Variants in PHACTR4 observed in about 807,000 individuals in gnomAD.
PHACTR4 encodes the protein phosphatase and actin regulator 4.
Under a neutral mutation model 72.7 loss-of-function variants are expected in PHACTR4, and 51 were observed. That is an observed-to-expected ratio of 0.70 (90% CI 0.56 to 0.89). The LOEUF (loss-of-function observed/expected upper bound fraction) is 0.89. Among genes scored for constraint, PHACTR4 ranks in the 40% least tolerant of loss-of-function variants. The pLI is 0.00. For missense variants in PHACTR4, 731 were observed against 861.8 expected, an observed-to-expected ratio of 0.85 and a Z score of 1.90; for synonymous variants, 255 against 302.5, an observed-to-expected ratio of 0.84 and a Z score of 1.63.
intron 7 of PHACTR4, 65 bp from the exon 8 acceptor site, chr1:28,476,024 AGTCTTTATTTCAGTCCTT>A: frequency 7.4e-7 from 1 of 1,342,544 alleles, no homozygotes; most frequent in African/African-American, 1.5e-5. Context: ...CACCACGCCC[AGTCTTTATTTCAGTCCTT>A]TGTCTTAAAA....
chr1:28,380,391 A>G (rs1356424329), intron 1 of PHACTR4, among the ~76,000 whole-genome samples: 1 of 152,120 alleles, frequency 6.6e-6, no homozygotes, highest in African/African-American at 2.4e-5. Context: ...ATATATGTGC[A>G]TGGTTTGGTA....
intron 2 of PHACTR4, among the ~76,000 whole-genome samples, chr1:28,407,918 A>G (rs1490523591): frequency 6.6e-6 from 1 of 152,162 alleles, no homozygotes; most frequent in Non-Finnish European, 1.5e-5. Context: ...TAGGAGTTCG[A>G]GACCAGCCTG....
chr1:28,483,828 T>G (rs946500663), intron 9 of PHACTR4, among the ~76,000 whole-genome samples: 74 of 143,198 alleles, frequency 5.2e-4, no homozygotes, highest in African/African-American at 1.6e-3. Context: ...AAGAGAGAGA[T>G]AAATCAGCCA....
At chr1:28,495,108 T>C (rs1661266071) in intron 13 of PHACTR4, among the ~76,000 whole-genome samples, 1 of 152,166 alleles carries the variant, frequency 6.6e-6, no homozygotes, top group Admixed American at 6.5e-5. Flanking sequence ...GACTCTGATA[T>C]TTTTAACTTG....
At chr1:28,369,960 G>A in intron 1 of PHACTR4, 135 bp downstream of exon 1, 1 of 345,910 alleles carries the variant, frequency 2.9e-6, no homozygotes, top group Non-Finnish European at 5.5e-6. Context: ...CCGGGTCGCC[G>A]TCGCTTCGGG....
intron 1 of PHACTR4, among the ~76,000 whole-genome samples, chr1:28,381,062 G>A (rs1355645030): frequency 6.7e-6 from 1 of 150,216 alleles, no homozygotes; most frequent in Non-Finnish European, 1.5e-5. Flanking sequence ...AGGCTGGAGT[G>A]CAGTGGAGTG....
At chr1:28,439,877 GC>G (rs1165437115) in intron 2 of PHACTR4, among the ~76,000 whole-genome samples, 2 of 152,144 alleles carry the variant, frequency 1.3e-5, no homozygotes, top group Non-Finnish European at 1.5e-5. Context: ...AGGACTCAAT[GC>G]TAGGCATTTA....
At chr1:28,457,605 AAAT>A (rs924274491) in intron 2 of PHACTR4, among the ~76,000 whole-genome samples, 27 of 151,500 alleles carry the variant, frequency 1.8e-4, no homozygotes, top group South Asian at 4.2e-4. Flanking sequence ...CCTGTTTCTA[AAAT>A]AATAATAATA....
At chr1:28,400,390 AAAAG>A (rs1320568260) in intron 1 of PHACTR4, among the ~76,000 whole-genome samples, 15 of 151,848 alleles carry the variant, frequency 9.9e-5, no homozygotes, top group Admixed American at 6.6e-4. Flanking sequence ...AAAAAAAAAA[AAAAG>A]AGAAATCTGG....
intron 5 of PHACTR4, 50 bp downstream of exon 5, chr1:28,465,899 C>T: frequency 6.5e-7 from 1 of 1,548,418 alleles, no homozygotes; most frequent in Non-Finnish European, 8.8e-7. Context: ...CAGTTATTCT[C>T]CTTACATAAG....
rs933483397 is a variant in PHACTR4, at chr1:28,372,699, A to T, written c.-39+2874A>T. Among the ~76,000 whole-genome samples, 3 of 151,932 alleles carry T rather than the reference A, an allele frequency of 2.0e-5. No individual in the cohort carries two copies. The South Asian group carries it at 6.2e-4, about 32-fold the overall frequency. ...AAATCCCATCTCTACTAAAAATATA[A>T]AAATTAGCCAGGTGTGGTGGTGGGC... On this transcript the variant is annotated intron_variant, in intron 1 of 13. Transcript: ENST00000373839.
rs1416412066 is a variant in PHACTR4, at chr1:28,466,874, A to G, written c.823+106A>G. The G allele has an allele frequency of 6.2e-6, 9 of 1,453,932 alleles. No individual in the cohort carries two copies. In the Admixed American group the frequency reaches 1.5e-4, roughly 25 times the overall value. 90.1% of individuals were successfully genotyped at this position (1,453,932 alleles called of 1,614,324 possible). On this transcript the variant is annotated intron_variant, in intron 6 of 13. Transcript: ENST00000373839. The stretch of plus-strand genomic sequence containing the variant: ...TTGATTTGGTCTGTGAGAATTTTCC[A>G]TATCTTGTCCCTTTGAATGACCTCA...
intron 2 of PHACTR4, among the ~76,000 whole-genome samples, chr1:28,454,445 T>G (rs957782002): frequency 6.6e-6 from 1 of 151,588 alleles, no homozygotes; most frequent in African/African-American, 2.4e-5. Flanking sequence ...CCCGGCTAAT[T>G]TTTTGTATTT....
At chr1:28,479,593 A>G (rs1481415998) in intron 8 of PHACTR4, among the ~76,000 whole-genome samples, 1 of 149,760 alleles carries the variant, frequency 6.7e-6, no homozygotes, top group East Asian at 2.0e-4. Context: ...AGAAAAAAAA[A>G]AAAAAAAAGA....
rs373285875 is a variant in PHACTR4 at position 28,499,184 on chromosome 1, G to A, written c.*2635G>A. The A allele has an allele frequency of 3.4e-3, 519 of 151,968 alleles. 27 individuals carry two copies. In the South Asian group the frequency reaches 0.1, roughly 30 times the overall value. The allele number at this position is 151,968 out of a possible 1,614,324, so 9.4% of individuals were successfully genotyped here. A position where few individuals can be genotyped will look rare whatever the true frequency, so the allele number is the denominator to read the frequency against. The stretch of plus-strand genomic sequence containing the variant: ...GAATTTTGCTCTTGTTGCCCAGGCC[G>A]GAGTGCAATGGTGCAATCTCAGCTC... On this transcript the variant is annotated 3_prime_UTR_variant, in exon 14 of 14. Coordinates refer to ENST00000373839, the MANE Select transcript of PHACTR4 (RefSeq NM_001048183.3).
At chr1:28,475,917 G>A (rs1659888690) in intron 7 of PHACTR4, among the ~76,000 whole-genome samples, 190 bp from the exon 8 acceptor site, 1 of 151,834 alleles carries the variant, frequency 6.6e-6, no homozygotes, top group Admixed American at 6.6e-5. Context: ...AGTAGACACA[G>A]GGTTTCACCA....
At chr1:28,464,980 A>T (rs186671689) in intron 4 of PHACTR4, among the ~76,000 whole-genome samples, 40 of 152,202 alleles carry the variant, frequency 2.6e-4, no homozygotes, top group Admixed American at 1.1e-3. Context: ...CTGAGATTAC[A>T]GGTGTGAGAC....
intron 1 of PHACTR4, among the ~76,000 whole-genome samples, chr1:28,370,796 TAAAG>T (rs1171034333): frequency 2.6e-5 from 4 of 151,988 alleles, no homozygotes; most frequent in Non-Finnish European, 5.9e-5. Flanking sequence ...TTCGCCAAAT[TAAAG>T]AAATGAATTT....
intron 2 of PHACTR4, chr1:28,438,582 C>T (rs764872676): frequency 7.6e-5 from 59 of 776,048 alleles, no homozygotes; most frequent in Admixed American, 1.5e-4. Flanking sequence ...TGAAGTCATG[C>T]GGAACATGGC....
Sources: allele counts gnomAD v4.1 joint callset (sites outside exome capture counted in the v4.1 genomes callset), GRCh38; gene constraint gnomAD v4.1.1; transcripts MANE v1.5; gene names NCBI Gene and HGNC (gene_info 2026-07-23, HGNC 2026-07-21).